Variants in EPHA3 observed in about 807,000 individuals in gnomAD.
The protein encoded by EPHA3 is EPH receptor A3.
A neutral mutation model predicts 107.1 loss-of-function variants in EPHA3; 42 were observed. The observed-to-expected ratio is 0.39, with a 90% confidence interval of 0.31 to 0.51. The LOEUF (loss-of-function observed/expected upper bound fraction) is 0.51. Ranked by LOEUF, EPHA3 falls within the 20% of genes least tolerant of loss-of-function variation. The pLI, the probability that EPHA3 is intolerant of heterozygous loss-of-function variation, is 0.78. For synonymous variants in EPHA3, 461 were observed against 424.8 expected, an observed-to-expected ratio of 1.09 and a Z score of -1.05; for missense variants, 1,183 against 1,211.2, an observed-to-expected ratio of 0.98 and a Z score of 0.35.
chr3:89,108,953 C>T (rs941327458), intron 1 of EPHA3, among the ~76,000 whole-genome samples: 3 of 152,110 alleles, frequency 2.0e-5, no homozygotes, highest in Admixed American at 2.0e-4. Flanking sequence ...TTATATACAT[C>T]ACTCCTTAGA....
intron 11 of EPHA3, among the ~76,000 whole-genome samples, chr3:89,428,081 C>T (rs1692565750): frequency 1.3e-5 from 2 of 151,912 alleles, no homozygotes; most frequent in African/African-American, 2.4e-5. Flanking sequence ...CATGCAATAA[C>T]TGACTAAATC....
chr3:89,197,239 G>A (rs1705856596), intron 2 of EPHA3, among the ~76,000 whole-genome samples: 1 of 152,042 alleles, frequency 6.6e-6, no homozygotes, highest in Non-Finnish European at 1.5e-5. Context: ...TAGAATGTAA[G>A]GGCTTCATAA....
intron 3 of EPHA3, among the ~76,000 whole-genome samples, chr3:89,214,419 C>T (rs906002420): frequency 6.6e-6 from 1 of 151,880 alleles, no homozygotes; most frequent in Non-Finnish European, 1.5e-5. Context: ...TGTTTCAATA[C>T]ATTTTAGAAC....
chr3:89,195,045 T>C (rs1705805967), intron 2 of EPHA3, among the ~76,000 whole-genome samples: 3 of 152,118 alleles, frequency 2.0e-5, no homozygotes, highest in Admixed American at 2.0e-4. Context: ...TTTTTTTCTT[T>C]TTTAAACATA....
chr3:89,413,039 T>G (rs192350936), intron 9 of EPHA3, 102 bp from the exon 10 acceptor site: 1 of 1,488,838 alleles, frequency 6.7e-7, no homozygotes, highest in East Asian at 2.3e-5. Context: ...GTGCACCTTA[T>G]GGGGTAGGGA....
At chr3:89,278,780 C>T (rs1380738424) in intron 3 of EPHA3, among the ~76,000 whole-genome samples, 1 of 151,970 alleles carries the variant, frequency 6.6e-6, no homozygotes, top group African/African-American at 2.4e-5. Flanking sequence ...GGCCCATTGC[C>T]CCAGAGGTTT....
intron 3 of EPHA3, among the ~76,000 whole-genome samples, chr3:89,232,716 G>T (rs573294657): frequency 6.6e-6 from 1 of 152,030 alleles, no homozygotes; most frequent in Non-Finnish European, 1.5e-5. Flanking sequence ...ATACAAAATG[G>T]CCTCTCAAAC....
intron 3 of EPHA3, among the ~76,000 whole-genome samples, chr3:89,251,975 A>G (rs953332348): frequency 3.3e-5 from 5 of 152,156 alleles, no homozygotes; most frequent in Non-Finnish European, 4.4e-5. Flanking sequence ...ACAAGCATGG[A>G]TAAAAGTAAT....
At chr3:89,395,057 A>T (rs1708820232) in intron 5 of EPHA3, among the ~76,000 whole-genome samples, 1 of 152,230 alleles carries the variant, frequency 6.6e-6, no homozygotes, top group Non-Finnish European at 1.5e-5. Context: ...ATGATATCTG[A>T]TCCAAACAGA....
intron 11 of EPHA3, among the ~76,000 whole-genome samples, chr3:89,424,783 C>A (rs768717216): frequency 6.6e-6 from 1 of 151,408 alleles, no homozygotes; most frequent in Non-Finnish European, 1.5e-5. Context: ...GTGCTTACTG[C>A]ATGACTCAGC....
chr3:89,357,533 T>C (rs1707993346), intron 5 of EPHA3, among the ~76,000 whole-genome samples: 1 of 151,246 alleles, frequency 6.6e-6, no homozygotes, highest in Admixed American at 6.6e-5. Flanking sequence ...AGTTCGTCTA[T>C]CTTTGTCCAC....
At chr3:89,393,099 T>C (rs533534015) in intron 5 of EPHA3, among the ~76,000 whole-genome samples, 3 of 152,170 alleles carry the variant, frequency 2.0e-5, no homozygotes, top group African/African-American at 7.2e-5. Context: ...GTTGAACTTT[T>C]CTGAAATGCA....
At chr3:89,143,501 A>G (rs1244482813) in intron 2 of EPHA3, among the ~76,000 whole-genome samples, 2 of 151,584 alleles carry the variant, frequency 1.3e-5, no homozygotes, top group Non-Finnish European at 3.0e-5. Flanking sequence ...TAGAGCTATC[A>G]AAGTCAAGAA....
intron 3 of EPHA3, among the ~76,000 whole-genome samples, chr3:89,298,022 A>G (rs1435529363): frequency 1.3e-5 from 2 of 152,130 alleles, no homozygotes; most frequent in African/African-American, 4.8e-5. Flanking sequence ...ACAACAAAGC[A>G]AGACTTCCTC....
Position 89,413,186 on chromosome 3 carries a change from A to G in EPHA3, c.1808A>G (p.Glu603Gly). 1 of 1,611,884 alleles carries G rather than the reference A, an allele frequency of 6.2e-7. No homozygotes were observed. The highest frequency in any genetic ancestry group is 8.5e-7 in the Non-Finnish European group (1 of 1,178,472). Residue 603 changes from glutamate (E) to glycine (G), a missense_variant, in exon 10 of 17, where the codon GAA (glutamate) becomes GGA (glycine). By Grantham distance (98) the Glu-to-Gly change is moderately conservative. Coordinates refer to ENST00000336596, the MANE Select transcript of EPHA3 (RefSeq NM_005233.6). ...ACTTATGTTGACCCACATACATATG[A>G]AGACCCTACCCAAGCTGTTCATGAG... ...LRTYVDPHTY[E>G]DPTQAVHEFA... is the part of the protein sequence containing the mutation.
At chr3:89,305,512 C>G (rs892689408) in intron 3 of EPHA3, among the ~76,000 whole-genome samples, 5 of 152,050 alleles carry the variant, frequency 3.3e-5, no homozygotes, top group African/African-American at 9.7e-5. Flanking sequence ...ATTAAAGTTG[C>G]TTAGTGTTAC....
intron 3 of EPHA3, among the ~76,000 whole-genome samples, chr3:89,237,775 G>C (rs761394215): frequency 3.3e-5 from 5 of 151,968 alleles, no homozygotes; most frequent in African/African-American, 7.3e-5. Context: ...AGGGCAGCCT[G>C]GGCAACAAAG....
intron 3 of EPHA3, among the ~76,000 whole-genome samples, chr3:89,234,778 C>T (rs1357758765): frequency 7.0e-6 from 1 of 143,790 alleles, no homozygotes; most frequent in Non-Finnish European, 1.5e-5. Context: ...CTCCCTCTCT[C>T]CCTCCCTCCC....
At chr3:89,298,303 T>C (rs1576297029) in intron 3 of EPHA3, among the ~76,000 whole-genome samples, 1 of 152,052 alleles carries the variant, frequency 6.6e-6, no homozygotes, top group Non-Finnish European at 1.5e-5. Context: ...CCTGGTGTTC[T>C]CTGCAAAAAA....
Sources: gnomAD v4.1 joint callset for allele counts (sites outside exome capture counted in the v4.1 genomes callset) on GRCh38, gnomAD v4.1.1 for gene constraint, MANE v1.5 for transcripts, NCBI Gene and HGNC (gene_info 2026-07-23, HGNC 2026-07-21) for gene names.